Variants in SLC35E2B observed in about 807,000 individuals in gnomAD.
SLC35E2B encodes solute carrier family 35 member E2B.
SLC35E2B carries 18 observed loss-of-function variants against 32.4 expected under a neutral mutation model. The observed-to-expected ratio is 0.56, with a 90% CI of 0.38 to 0.82. SLC35E2B has a LOEUF of 0.82. Ranked by LOEUF, SLC35E2B falls within the 40% of genes least tolerant of loss-of-function variation. SLC35E2B has a pLI of 0.00. For missense variants in SLC35E2B, 263 were observed against 469.5 expected (o/e 0.56, Z 4.06); for synonymous variants, 132 against 209.1 (o/e 0.63, Z 3.18).
intron 2 of SLC35E2B, among the ~76,000 whole-genome samples, chr1:1,682,178 G>A (rs537696184): frequency 6.6e-6 from 1 of 152,104 alleles, no homozygotes; most frequent in African/African-American, 2.4e-5. Context: ...CCTTTCAGAG[G>A]TCATGCGGGT....
Position 1,669,756 on chromosome 1 carries a change from C to G in SLC35E2B, c.762-20G>C, listed in dbSNP as rs778548033. 1.3e-6 allele frequency: 2 copies of G among 1,548,368 alleles called. No individual in the cohort carries two copies. The highest frequency in any genetic ancestry group is 4.9e-5 in the East Asian group (2 of 40,922). On this transcript the variant is annotated intron_variant, in intron 7 of 9. Transcript: ENST00000617444. ...GGGGCCCTGTGGGTGACAGAACACG[C>G]TGGGCCCCCCGTGTCGGGACAGGCC...
chr1:1,669,542 C>T, intron 8 of SLC35E2B, 122 bp downstream of exon 8: 1 of 994,382 alleles, frequency 1.0e-6, no homozygotes, highest in East Asian at 2.7e-5. Context: ...TAAGCAGGAC[C>T]CGCAGCGGAG....
At chr1:1,689,056 C>T (rs982815235) in intron 2 of SLC35E2B, among the ~76,000 whole-genome samples, 2 of 151,760 alleles carry the variant, frequency 1.3e-5, no homozygotes, top group Admixed American at 6.6e-5. Flanking sequence ...CCAGTAGTCC[C>T]AACTACACAG....
At chr1:1,684,186 C>T (rs1170420931) in intron 2 of SLC35E2B, among the ~76,000 whole-genome samples, 1 of 152,174 alleles carries the variant, frequency 6.6e-6, no homozygotes, top group African/African-American at 2.4e-5. Flanking sequence ...GCCCCCAGCC[C>T]GTCCTTTGGC....
At chr1:1,669,792 G>T in intron 7 of SLC35E2B, 56 bp from the exon 8 acceptor site, 1 of 1,519,182 alleles carries the variant, frequency 6.6e-7, no homozygotes, top group East Asian at 2.5e-5. Context: ...GAGTTCACAC[G>T]CAGCTCCCTC....
At chr1:1,678,299 G>A (rs970551380) in intron 2 of SLC35E2B, among the ~76,000 whole-genome samples, 1 of 151,760 alleles carries the variant, frequency 6.6e-6, no homozygotes, top group African/African-American at 2.4e-5. Context: ...TGAAGACCTC[G>A]CCTGGGTGCT....
In SLC35E2B at chr1:1,674,848, G is replaced by T. The variant is rs28678861; in HGVS notation, c.586+615C>A. Among the ~76,000 whole-genome samples the T allele has an allele frequency of 2.2e-4, 33 of 152,128 alleles. 1 individual carries two copies. The highest frequency in any genetic ancestry group is 5.8e-4 in the East Asian group (3 of 5,142). On this transcript the variant is annotated intron_variant, in intron 5 of 9. Coordinates refer to ENST00000617444, the MANE Select transcript of SLC35E2B (RefSeq NM_001290264.2). ...ATAAGCGAACACGTGTGCACCCCCC[G>T]ACTCCGTTCAAGACGCCGCGCTCTG...
At chr1:1,682,013 AAAAAAAAAAAAAAAAAAAAAAAAAAAAG>A (rs1643903988) in intron 2 of SLC35E2B, among the ~76,000 whole-genome samples, 4 of 101,514 alleles carry the variant, frequency 3.9e-5, no homozygotes, top group African/African-American at 6.3e-5. Context: ...AAAAAAAAAA[AAAAAAAAAAAAAAAAAAAAAAAAAAAAG>A]AAGAGACAGG....
At chr1:1,668,770 C>T (rs1643609772) in intron 8 of SLC35E2B, among the ~76,000 whole-genome samples, 2 of 152,124 alleles carry the variant, frequency 1.3e-5, no homozygotes, top group South Asian at 4.1e-4. Context: ...GCAACAGAAA[C>T]CCCAATGCGG....
chr1:1,675,649 G>A (rs1209888720), intron 4 of SLC35E2B, 59 bp from the exon 5 acceptor site: 53 of 1,426,770 alleles, frequency 3.7e-5, no homozygotes, highest in East Asian at 2.5e-4. Flanking sequence ...TGCACCCACC[G>A]GGCAGGCTCT....
At chr1:1,682,990 T>C (rs766600512) in intron 2 of SLC35E2B, among the ~76,000 whole-genome samples, 10 of 151,954 alleles carry the variant, frequency 6.6e-5, no homozygotes, top group Non-Finnish European at 1.2e-4. Context: ...GGCAGGAGAA[T>C]TGCTTGAACC....
At position 1,665,027 on chromosome 1, in the gene SLC35E2B, G is replaced by A. The variant is rs946208814; in HGVS notation, c.*755C>T. The A allele has an allele frequency of 3.1e-5, 30 of 967,016 alleles. No homozygotes were observed. Among genetic ancestry groups the A allele is most frequent in the East Asian group, 2.3e-4 (2 of 8,712 alleles). 59.9% of individuals were successfully genotyped at this position (967,016 alleles called of 1,614,324 possible). ...CAGGGCTGGAAACCCCCACAGGTAGGAGGGCAGGGTGCCCTGGGGTTGCGG... is the reference window on the plus strand; with the variant it reads ...CAGGGCTGGAAACCCCCACAGGTAGAAGGGCAGGGTGCCCTGGGGTTGCGG... On this transcript the variant is annotated 3_prime_UTR_variant, in exon 10 of 10. Transcript: ENST00000617444.
intron 9 of SLC35E2B, among the ~76,000 whole-genome samples, chr1:1,666,406 C>T (rs1230478624): frequency 6.6e-6 from 1 of 152,208 alleles, no homozygotes; most frequent in Non-Finnish European, 1.5e-5. Flanking sequence ...CAGCTTCATC[C>T]AATCGAGGTG....
intron 2 of SLC35E2B, among the ~76,000 whole-genome samples, chr1:1,687,952 C>A (rs1032408102): frequency 6.6e-6 from 1 of 152,014 alleles, no homozygotes; most frequent in Non-Finnish European, 1.5e-5. Context: ...ACAAAGCCAA[C>A]CAGGCTTCTT....
intron 9 of SLC35E2B, among the ~76,000 whole-genome samples, chr1:1,667,757 T>C (rs1643583316): frequency 6.6e-6 from 1 of 152,148 alleles, no homozygotes; most frequent in African/African-American, 2.4e-5. Context: ...GCACTCAATT[T>C]CAAAAACCTT....
intron 2 of SLC35E2B, among the ~76,000 whole-genome samples, chr1:1,678,196 T>G (rs1259089222): frequency 6.6e-6 from 1 of 152,034 alleles, no homozygotes; most frequent in Non-Finnish European, 1.5e-5. Flanking sequence ...GTGACCTCCT[T>G]CTGTGTTTAT....
chr1:1,681,472 G>A (rs1030125859), intron 2 of SLC35E2B, among the ~76,000 whole-genome samples: 1 of 151,452 alleles, frequency 6.6e-6, no homozygotes, highest in Non-Finnish European at 1.5e-5. Flanking sequence ...CTCCCAAAGT[G>A]CTGGGACTAC....
chr1:1,686,987 C>T (rs1211226410), intron 2 of SLC35E2B, among the ~76,000 whole-genome samples: 2 of 152,012 alleles, frequency 1.3e-5, no homozygotes, highest in Non-Finnish European at 2.9e-5. Context: ...ACCCAGGAGG[C>T]GGAGCTTGCA....
intron 2 of SLC35E2B, among the ~76,000 whole-genome samples, chr1:1,688,386 C>A (rs533254467): frequency 6.6e-6 from 1 of 152,114 alleles, no homozygotes; most frequent in African/African-American, 2.4e-5. Context: ...GTGGGCGGAT[C>A]ACAAGGTCAG....
Sources: gnomAD v4.1 joint callset for allele counts (sites outside exome capture counted in the v4.1 genomes callset) on GRCh38, gnomAD v4.1.1 for gene constraint, MANE v1.5 for transcripts, NCBI Gene and HGNC (gene_info 2026-07-23, HGNC 2026-07-21) for gene names.